The following CSMD1 variants were observed in gnomAD, a reference collection of about 807,000 sequenced individuals.
CSMD1 encodes CUB and Sushi multiple domains 1.
Under a neutral mutation model 417.5 loss-of-function variants are expected in CSMD1, and 213 were observed. The observed-to-expected ratio is 0.51, with a 90% confidence interval of 0.46 to 0.57. The LOEUF (loss-of-function observed/expected upper bound fraction) is 0.57. CSMD1 is among the 20% of genes least tolerant of loss of function. The probability of loss-of-function intolerance (pLI) is 0.00; values close to 1 mark genes in which losing one functional copy is unlikely to be tolerated. For missense variants in CSMD1, 6,923 were observed against 4,529.7 expected, an observed-to-expected ratio of 1.53 and a Z score of -15.17; for synonymous variants, 2,862 against 1,736.8, an observed-to-expected ratio of 1.65 and a Z score of -16.11.
At chr8:3,313,587 G>A (rs937863939) in intron 23 of CSMD1, among the ~76,000 whole-genome samples, 5 of 152,164 alleles carry the variant, frequency 3.3e-5, no homozygotes, top group Non-Finnish European at 4.4e-5. Context: ...AGTTAGAATG[G>A]CAAGCAATCA....
At chr8:3,887,399 C>T (rs562353880) in intron 5 of CSMD1, among the ~76,000 whole-genome samples, 1 of 152,248 alleles carries the variant, frequency 6.6e-6, no homozygotes, top group South Asian at 2.1e-4. Context: ...AACAAGTTAC[C>T]TTCTACTCTG....
chr8:4,703,117 T>C (rs186349552), intron 1 of CSMD1, among the ~76,000 whole-genome samples: 336 of 152,340 alleles, frequency 2.2e-3, no homozygotes, highest in Non-Finnish European at 3.8e-3. Flanking sequence ...TATTATATAA[T>C]ATTTAATTAG....
chr8:4,170,126 G>T (rs1415053263), intron 3 of CSMD1, among the ~76,000 whole-genome samples: 1 of 151,648 alleles, frequency 6.6e-6, no homozygotes, highest in African/African-American at 2.4e-5. Flanking sequence ...TCCCTCCAGG[G>T]GCTTCTCTTG....
chr8:3,189,264 G>T (rs910811161), intron 34 of CSMD1, among the ~76,000 whole-genome samples: 1 of 152,106 alleles, frequency 6.6e-6, no homozygotes, highest in African/African-American at 2.4e-5. Flanking sequence ...CTCTAAGAAG[G>T]GATGATGTCC....
intron 2 of CSMD1, among the ~76,000 whole-genome samples, chr8:4,524,340 AG>A (rs1796397063): frequency 6.6e-6 from 1 of 152,156 alleles, no homozygotes; most frequent in African/African-American, 2.4e-5. Flanking sequence ...GTTAAAAGCA[AG>A]AAAAACGCAA....
chr8:4,388,550 G>A (rs892009192), intron 3 of CSMD1, among the ~76,000 whole-genome samples: 1 of 151,836 alleles, frequency 6.6e-6, no homozygotes, highest in Non-Finnish European at 1.5e-5. Flanking sequence ...TGGGGACTGA[G>A]GGGGAAGGGT....
At chr8:3,388,857 C>A (rs932096585) in intron 17 of CSMD1, among the ~76,000 whole-genome samples, 11 of 150,858 alleles carry the variant, frequency 7.3e-5, no homozygotes, top group Admixed American at 4.0e-4. Flanking sequence ...ACCACCTGCT[C>A]CTCCCTCCCT....
intron 1 of CSMD1, among the ~76,000 whole-genome samples, chr8:4,964,833 T>C (rs569476496): frequency 6.6e-6 from 1 of 152,322 alleles, no homozygotes; most frequent in South Asian, 2.1e-4. Flanking sequence ...CACGATGGAC[T>C]TTAATACCAG....
intron 12 of CSMD1, among the ~76,000 whole-genome samples, chr8:3,460,914 G>T (rs1816460082): frequency 6.6e-6 from 1 of 152,156 alleles, no homozygotes; most frequent in South Asian, 2.1e-4. Flanking sequence ...ACCACTTGTG[G>T]TCCCAAGAAT....
intron 7 of CSMD1, among the ~76,000 whole-genome samples, chr8:3,700,329 G>A (rs1800785436): frequency 6.6e-6 from 1 of 152,190 alleles, no homozygotes; most frequent in Non-Finnish European, 1.5e-5. Flanking sequence ...ATTCTACTGG[G>A]AGATGTGAGA....
chr8:3,678,699 A>C (rs1352884341), intron 7 of CSMD1, among the ~76,000 whole-genome samples: 3 of 152,024 alleles, frequency 2.0e-5, no homozygotes, highest in Non-Finnish European at 2.9e-5. Flanking sequence ...CCACAAAGAT[A>C]CTCCTCGAGA....
intron 2 of CSMD1, among the ~76,000 whole-genome samples, chr8:4,580,015 C>G (rs1436500136): frequency 6.6e-6 from 1 of 152,178 alleles, no homozygotes; most frequent in African/African-American, 2.4e-5. Context: ...TGTGAACTGT[C>G]ACATCTTTAT....
chr8:4,611,449 G>T lies in CSMD1; in HGVS notation c.302+25893C>A, dbSNP rs1365332718. Among the ~76,000 whole-genome samples, 3 of 152,264 alleles carry T rather than the reference G, an allele frequency of 2.0e-5. No homozygotes were observed. The East Asian group carries it at 5.8e-4, about 29-fold the overall frequency. ...TCCACTGCCATAAACATTTCTCAGT[G>T]TGTACCATTTCCTGATTGTATAGTT... On this transcript the variant is annotated intron_variant, in intron 2 of 69. Transcript: ENST00000635120.
At chr8:3,080,979 T>C (rs1053284034) in intron 49 of CSMD1, among the ~76,000 whole-genome samples, 2 of 152,230 alleles carry the variant, frequency 1.3e-5, no homozygotes, top group African/African-American at 4.8e-5. Context: ...AAGCCAATTC[T>C]AAATAATCTT....
chr8:4,572,564 T>A (rs1170795068), intron 2 of CSMD1, among the ~76,000 whole-genome samples: 3 of 152,184 alleles, frequency 2.0e-5, no homozygotes, highest in African/African-American at 7.2e-5. Flanking sequence ...TTCCTGTGTT[T>A]CAACCTTGGT....
chr8:4,723,093 G>C (rs1047700376), intron 1 of CSMD1, among the ~76,000 whole-genome samples: 10 of 152,080 alleles, frequency 6.6e-5, no homozygotes, highest in African/African-American at 2.4e-4. Context: ...TTTCTGTCTG[G>C]ATACTTATAT....
chr8:4,925,351 T>G (rs1378799926), intron 1 of CSMD1, among the ~76,000 whole-genome samples: 1 of 148,864 alleles, frequency 6.7e-6, no homozygotes, highest in Non-Finnish European at 1.5e-5. Flanking sequence ...GTCACATGAC[T>G]CCTGTTGAAA....
rs532649085 is a variant in CSMD1 at position 3,283,592 on chromosome 8, A to G, written c.4153+552T>C. Reference sequence around the variant, plus strand: ...AGGAAACTGCAGAAGCAGGAAAGCCACTCCAGCCTCTACTTGCCCCTTCTG... The same window carrying G: ...AGGAAACTGCAGAAGCAGGAAAGCCGCTCCAGCCTCTACTTGCCCCTTCTG... On this transcript the variant is annotated intron_variant, in intron 26 of 69. Coordinates refer to ENST00000635120, the MANE Select transcript of CSMD1 (RefSeq NM_033225.6). 2.0e-5 allele frequency among the ~76,000 whole-genome samples: 3 copies of G among 152,136 alleles called. No homozygotes were observed. In the South Asian group the frequency reaches 6.2e-4, roughly 32 times the overall value.
Position 4,541,622 on chromosome 8 carries a change from C to T in CSMD1, c.302+95720G>A, listed in dbSNP as rs368574240. 1.1e-3 allele frequency among the ~76,000 whole-genome samples: 167 copies of T among 152,100 alleles called. 1 individual carries two copies. Among genetic ancestry groups the T allele is most frequent in the African/African-American group, 3.9e-3 (161 of 41,492 alleles). On this transcript the variant is annotated intron_variant, in intron 2 of 69. Transcript: ENST00000635120. The stretch of plus-strand genomic sequence containing the variant: ...AATTAGCCGGGCATGGTGGCAAGCA[C>T]CTGTAATCCCAACTACTCAGGAGGC...
Sources: gnomAD v4.1 joint callset for allele counts (sites outside exome capture counted in the v4.1 genomes callset) on GRCh38, gnomAD v4.1.1 for gene constraint, MANE v1.5 for transcripts, NCBI Gene and HGNC (gene_info 2026-07-23, HGNC 2026-07-21) for gene names.